Variants in PDE4D observed in about 807,000 individuals in gnomAD.
PDE4D encodes 3',5'-cyclic-AMP phosphodiesterase 4D.
PDE4D carries 24 observed loss-of-function variants against 87.4 expected under a neutral mutation model. That is an observed-to-expected ratio of 0.27 (90% CI 0.20 to 0.39). PDE4D has a LOEUF of 0.39. PDE4D is among the 10% of genes least tolerant of loss of function. The pLI is 1.00. For missense variants in PDE4D, 714 were observed against 1,041.0 expected (o/e 0.69, Z 4.32); for synonymous variants, 384 against 383.2 (o/e 1.00, Z -0.02).
chr5:60,454,720 G>A (rs1420113809), intron 1 of PDE4D, among the ~76,000 whole-genome samples: 3 of 152,114 alleles, frequency 2.0e-5, no homozygotes, highest in African/African-American at 7.2e-5. Context: ...TAGGTAATGG[G>A]CTGATAGGTG....
intron 5 of PDE4D, among the ~76,000 whole-genome samples, chr5:59,104,649 T>C (rs1315119825): frequency 2.0e-5 from 3 of 148,248 alleles, no homozygotes; most frequent in African/African-American, 7.5e-5. Flanking sequence ...TTTTATTCAA[T>C]AGAAGAAAGG....
chr5:59,518,946 G>A (rs570214510), intron 1 of PDE4D, among the ~76,000 whole-genome samples: 4 of 152,268 alleles, frequency 2.6e-5, no homozygotes, highest in Admixed American at 1.3e-4. Context: ...TGTTGCCTTC[G>A]AAAGGCACTA....
chr5:59,567,971 C>T (rs1356236050), intron 1 of PDE4D, among the ~76,000 whole-genome samples: 2 of 152,110 alleles, frequency 1.3e-5, no homozygotes, highest in African/African-American at 4.8e-5. Context: ...GCCAAGAAGG[C>T]CAAAAGGAAA....
At chr5:59,673,302 C>T (rs1320302977) in intron 1 of PDE4D, among the ~76,000 whole-genome samples, 1 of 152,132 alleles carries the variant, frequency 6.6e-6, no homozygotes, top group Non-Finnish European at 1.5e-5. Flanking sequence ...TAAGACATAG[C>T]TCATTGACTA....
intron 5 of PDE4D, among the ~76,000 whole-genome samples, chr5:59,176,155 T>C (rs1470138867): frequency 6.6e-6 from 1 of 152,196 alleles, no homozygotes; most frequent in Admixed American, 6.5e-5. Context: ...TTTTAAGGAA[T>C]TGTTAGATCA....
In PDE4D at chr5:60,111,244, C is replaced by T. The variant is rs116110168; in HGVS notation, c.42+74313G>A. Among the ~76,000 whole-genome samples the T allele has an allele frequency of 7.6e-3, 1,151 of 151,930 alleles. 9 individuals carry two copies. The highest frequency in any genetic ancestry group is 0.013 in the Non-Finnish European group (882 of 67,914). On this transcript the variant is annotated intron_variant, in intron 2 of 16. Transcript: ENST00000502484. ...TGATTTGATCATTACACATTGTATA[C>T]GCATATTGAAATATCATTCTGTACC...
intron 1 of PDE4D, among the ~76,000 whole-genome samples, chr5:59,694,625 T>C (rs781474569): frequency 9.2e-5 from 14 of 152,180 alleles, no homozygotes; most frequent in Non-Finnish European, 1.5e-4. Context: ...AGACTCCTGA[T>C]AGGGAATGTG....
chr5:60,055,037 T>C (rs1407850921), intron 2 of PDE4D, among the ~76,000 whole-genome samples: 5 of 152,092 alleles, frequency 3.3e-5, no homozygotes, highest in Non-Finnish European at 7.4e-5. Context: ...GGTTCAATCA[T>C]GTAGCCCATT....
intron 1 of PDE4D, among the ~76,000 whole-genome samples, chr5:59,498,604 A>T (rs1437977475): frequency 6.6e-6 from 1 of 152,006 alleles, no homozygotes; most frequent in African/African-American, 2.4e-5. Flanking sequence ...TGCAAATAGG[A>T]AACAAAAAAA....
intron 1 of PDE4D, among the ~76,000 whole-genome samples, chr5:59,417,545 T>A (rs1793814153): frequency 2.0e-5 from 3 of 152,100 alleles, no homozygotes; most frequent in African/African-American, 7.2e-5. Flanking sequence ...TACCTTTTTT[T>A]TTTTTAATAA....
chr5:59,864,169 T>G (rs1317548459), intron 1 of PDE4D, among the ~76,000 whole-genome samples: 3 of 152,136 alleles, frequency 2.0e-5, no homozygotes, highest in African/African-American at 7.2e-5. Context: ...GACATTCTCC[T>G]TAGATGTCTT....
At chr5:59,790,328 T>C (rs1765645621) in intron 1 of PDE4D, among the ~76,000 whole-genome samples, 1 of 152,210 alleles carries the variant, frequency 6.6e-6, no homozygotes, top group South Asian at 2.1e-4. Flanking sequence ...AGAATCAAGA[T>C]TTAAGTGGAA....
At chr5:60,300,509 C>T (rs972043103) in intron 1 of PDE4D, among the ~76,000 whole-genome samples, 4 of 152,028 alleles carry the variant, frequency 2.6e-5, no homozygotes, top group African/African-American at 7.2e-5. Context: ...CCTAGATTTT[C>T]TTCTAGGGTT....
At chr5:59,037,636 G>T (rs1207361511) in intron 6 of PDE4D, among the ~76,000 whole-genome samples, 3 of 152,140 alleles carry the variant, frequency 2.0e-5, no homozygotes, top group Non-Finnish European at 4.4e-5. Context: ...GACATGGGTA[G>T]GTCAGTGTGC....
At chr5:60,445,692 G>C (rs1745591013) in intron 1 of PDE4D, among the ~76,000 whole-genome samples, 1 of 152,106 alleles carries the variant, frequency 6.6e-6, no homozygotes, top group South Asian at 2.1e-4. Flanking sequence ...TTCCAGTTAT[G>C]TAAAATGATT....
At chr5:60,298,120 C>T (rs1753572695) in intron 1 of PDE4D, among the ~76,000 whole-genome samples, 2 of 151,412 alleles carry the variant, frequency 1.3e-5, no homozygotes, top group Admixed American at 1.3e-4. Flanking sequence ...TTCTATCTTA[C>T]CTTAAATCAA....
At chr5:59,486,023 G>C (rs991697859) in intron 1 of PDE4D, among the ~76,000 whole-genome samples, 1 of 151,852 alleles carries the variant, frequency 6.6e-6, no homozygotes, top group Admixed American at 6.6e-5. Flanking sequence ...ATGACAACAA[G>C]CTTGTAGAGA....
chr5:60,516,484 C>G (rs112310248), intron 1 of PDE4D, among the ~76,000 whole-genome samples: 314 of 152,238 alleles, frequency 2.1e-3, no homozygotes, highest in Non-Finnish European at 3.7e-3. Flanking sequence ...TCAGGACCAC[C>G]CTTTCCCATA....
chr5:59,041,634 A>G (rs1759702219), intron 5 of PDE4D, among the ~76,000 whole-genome samples: 1 of 152,258 alleles, frequency 6.6e-6, no homozygotes, highest in South Asian at 2.1e-4. Flanking sequence ...TGAAGCTGGG[A>G]GTCCCCTCTG....
Sources: allele counts gnomAD v4.1 joint callset (sites outside exome capture counted in the v4.1 genomes callset), GRCh38; gene constraint gnomAD v4.1.1; transcripts MANE v1.5; gene names NCBI Gene and HGNC (gene_info 2026-07-23, HGNC 2026-07-21).